Variants in SLC22A16 observed in about 807,000 individuals in gnomAD.
SLC22A16 encodes the protein WUGSC:RG331P03.1.
SLC22A16 carries 53 observed loss-of-function variants against 52.9 expected under a neutral mutation model. The observed-to-expected ratio is 1.00, with a 90% CI of 0.80 to 1.26. The LOEUF is 1.26. Ranked by LOEUF, SLC22A16 falls within the 50% of genes most tolerant of loss-of-function variation. SLC22A16 has a pLI of 0.00. For missense variants in SLC22A16, 726 were observed against 704.0 expected (o/e 1.03, Z -0.35); for synonymous variants, 291 against 268.8 (o/e 1.08, Z -0.81).
At chr6:110,456,415 G>A in intron 2 of SLC22A16, 123 bp downstream of exon 2, 1 of 1,174,902 alleles carries the variant, frequency 8.5e-7, no homozygotes, top group South Asian at 1.5e-5. Context: ...CAGCAAAGAG[G>A]TAGGTATTTA....
intron 1 of SLC22A16, among the ~76,000 whole-genome samples, chr6:110,457,359 T>C (rs953639417): frequency 6.6e-6 from 1 of 152,032 alleles, no homozygotes. Context: ...TGGAATATCT[T>C]ACAATACCAT....
chr6:110,436,257 A>C (rs894752448), intron 5 of SLC22A16, among the ~76,000 whole-genome samples: 2 of 152,326 alleles, frequency 1.3e-5, no homozygotes, highest in South Asian at 4.1e-4. Context: ...ACACGCCCTG[A>C]TAGTGCTGGT....
chr6:110,437,627 A>C (rs988252632), intron 5 of SLC22A16, among the ~76,000 whole-genome samples: 12 of 152,216 alleles, frequency 7.9e-5, no homozygotes, highest in African/African-American at 2.9e-4. Flanking sequence ...CTTTGCTCTA[A>C]ATGTTGATAT....
intron 2 of SLC22A16, chr6:110,455,437 T>G (rs940414335): frequency 6.6e-6 from 1 of 152,078 alleles, no homozygotes; most frequent in Non-Finnish European, 1.5e-5. Context: ...TCTTTTGACA[T>G]GTTTATCAGC....
chr6:110,469,859 C>T (rs1776202458), intron 1 of SLC22A16, among the ~76,000 whole-genome samples: 1 of 152,146 alleles, frequency 6.6e-6, no homozygotes, highest in Non-Finnish European at 1.5e-5. Context: ...CTAAAAGTAA[C>T]CAGTAGTCAA....
At chr6:110,458,552 C>T (rs1210870774) in intron 1 of SLC22A16, among the ~76,000 whole-genome samples, 1 of 152,172 alleles carries the variant, frequency 6.6e-6, no homozygotes, top group Non-Finnish European at 1.5e-5. Context: ...TGAATTCATA[C>T]TGTGTGGTTA....
chr6:110,440,039 T>G (rs1774901209), intron 4 of SLC22A16: 4 of 152,230 alleles, frequency 2.6e-5, no homozygotes. Context: ...AACATTAATA[T>G]GCACAAATAT....
chr6:110,469,665 A>C (rs1776193907), intron 1 of SLC22A16, among the ~76,000 whole-genome samples: 1 of 152,242 alleles, frequency 6.6e-6, no homozygotes, highest in Admixed American at 6.5e-5. Context: ...TGACAAACTA[A>C]AAAAAATCTT....
intron 4 of SLC22A16, among the ~76,000 whole-genome samples, chr6:110,440,457 A>G (rs2114929820): frequency 6.6e-6 from 1 of 152,274 alleles, no homozygotes; most frequent in African/African-American, 2.4e-5. Flanking sequence ...CATTTTTTTC[A>G]AATGGAAAAT....
At chr6:110,456,261 C>G in intron 2 of SLC22A16, 1 of 387,994 alleles carries the variant, frequency 2.6e-6, no homozygotes, top group Non-Finnish European at 4.6e-6. Context: ...TTATCACCAG[C>G]CTATAGACAA....
At position 110,442,495 on chromosome 6, in the gene SLC22A16, A is replaced by G. The variant is rs557250493; in HGVS notation, c.932T>C (p.Met311Thr). 8.7e-6 allele frequency: 14 copies of G among 1,614,248 alleles called. No homozygotes were observed. Among genetic ancestry groups the G allele is most frequent in the Middle Eastern group, 3.3e-4 (2 of 6,060 alleles). Reference protein sequence around the residue: ...YEEAQKIVDIMAKWNRASSCK... With the variant: ...YEEAQKIVDITAKWNRASSCK... ...GGAGCTTGCCCTGTTCCACTTGGCC[A>G]TGATGTCAACTATTTTTTGTGCTTC... Residue 311 changes from methionine (M) to threonine (T), a missense_variant, in exon 4 of 8, where the codon ATG becomes ACG. Met to Thr is a moderately conservative substitution (Grantham distance 81). Transcript: ENST00000368919.
chr6:110,466,546 A>G (rs908229842), intron 1 of SLC22A16, among the ~76,000 whole-genome samples: 2 of 152,180 alleles, frequency 1.3e-5, no homozygotes, highest in East Asian at 3.9e-4. Flanking sequence ...ACTAATCATC[A>G]GAGAAATGCA....
At chr6:110,431,070 G>A in intron 7 of SLC22A16, 101 bp downstream of exon 7, 2 of 965,042 alleles carry the variant, frequency 2.1e-6, no homozygotes, top group South Asian at 1.4e-5. Context: ...ATTAGGAAAT[G>A]ATGTACTGGC....
intron 6 of SLC22A16, among the ~76,000 whole-genome samples, 155 bp from the exon 7 acceptor site, chr6:110,431,425 C>T (rs1039259328): frequency 1.3e-5 from 2 of 152,190 alleles, no homozygotes; most frequent in Non-Finnish European, 2.9e-5. Context: ...GGTGGCCCCG[C>T]GAGATTATAA....
At chr6:110,454,626 ATATTTATATATAT>A (rs1775522090) in intron 2 of SLC22A16, among the ~76,000 whole-genome samples, 1 of 50,372 alleles carries the variant, frequency 2.0e-5, no homozygotes, top group Non-Finnish European at 3.3e-5. Context: ...TATATAATAT[ATATTTATATATAT>A]TATATATTTT....
At chr6:110,459,940 C>T (rs1459166062) in intron 1 of SLC22A16, among the ~76,000 whole-genome samples, 1 of 152,022 alleles carries the variant, frequency 6.6e-6, no homozygotes, top group African/African-American at 2.4e-5. Flanking sequence ...TTTGGATTAC[C>T]CCACAAAATT....
chr6:110,445,704 A>G (rs1176428758), intron 3 of SLC22A16, among the ~76,000 whole-genome samples: 1 of 152,194 alleles, frequency 6.6e-6, no homozygotes, highest in Admixed American at 6.5e-5. Flanking sequence ...AGATATTTTC[A>G]GAAATATCCT....
Position 110,456,621 on chromosome 6 carries a change from T to A in SLC22A16, c.450A>T (p.Arg150=). 1 of 1,614,210 alleles carries A rather than the reference T, an allele frequency of 6.2e-7. No individual in the cohort carries two copies. Among genetic ancestry groups the A allele is most frequent in the East Asian group, 2.2e-5 (1 of 44,886 alleles). The change falls in exon 2 of 8, where the codon CGA becomes CGT. Residue 150 remains arginine, a synonymous_variant. Coordinates refer to ENST00000368919, the MANE Select transcript of SLC22A16 (RefSeq NM_033125.4). ...GCTGGATCAGCATTGCAAGCCATTT[T>A]CGGTCACAGACCAGGTTCCACTGGG... ...AVTQWNLVCD[R]KWLAMLIQPL...
chr6:110,464,968 T>G (rs1307519312), intron 1 of SLC22A16, among the ~76,000 whole-genome samples: 3 of 152,034 alleles, frequency 2.0e-5, no homozygotes. Context: ...ATTTTAGGGA[T>G]GCCAAGATGG....
Sources: gnomAD v4.1 joint callset for allele counts (sites outside exome capture counted in the v4.1 genomes callset) on GRCh38, gnomAD v4.1.1 for gene constraint, MANE v1.5 for transcripts, NCBI Gene and HGNC (gene_info 2026-07-23, HGNC 2026-07-21) for gene names.